The following AHNAK2 variants were observed in gnomAD, a reference collection of about 807,000 sequenced individuals.
AHNAK2 encodes protein AHNAK2.
A neutral mutation model predicts 30.7 loss-of-function variants in AHNAK2; 18 were observed. The observed-to-expected ratio is 0.59, with a 90% CI of 0.41 to 0.87. The LOEUF (loss-of-function observed/expected upper bound fraction) is 0.87. Among genes scored for constraint, AHNAK2 ranks in the 40% least tolerant of loss-of-function variants. The pLI, the probability that AHNAK2 is intolerant of heterozygous loss-of-function variation, is 0.00. For synonymous variants in AHNAK2, 3,590 were observed against 3,073.8 expected, an observed-to-expected ratio of 1.17 and a Z score of -5.56; for missense variants, 8,604 against 7,373.0, an observed-to-expected ratio of 1.17 and a Z score of -6.11.
chr14:104,954,957 C>T lies in AHNAK2; in HGVS notation c.651G>A (p.Glu217=). Residue 217 remains glutamate (E), a splice_region_variant and synonymous_variant, in exon 6 of 7, where the codon GAG becomes GAA. Coordinates refer to ENST00000333244, the MANE Select transcript of AHNAK2 (RefSeq NM_138420.4). The surrounding 1 kb of genome is among the most constrained non-coding windows in gnomAD (Gnocchi z 4.3). ...AQHGPQGKEK[E]DTDVADGCRE... ...TGCCCCCCGGGCATAGTGGTCTCAC[C>T]TCCTTCTCCTTGCCCTGTGGGCCGT... 1 of 1,610,928 alleles carries T rather than the reference C, an allele frequency of 6.2e-7. No homozygotes were observed.
In AHNAK2 at chr14:104,946,596, C is replaced by T. The variant is rs1898284537; in HGVS notation, c.8855G>A (p.Arg2952Lys). The change falls in exon 7 of 7, where the codon AGA becomes AAA. Residue 2952 changes from arginine to lysine, a missense_variant. By Grantham distance (26) the Arg-to-Lys change is conservative. Coordinates refer to ENST00000333244, the MANE Select transcript of AHNAK2 (RefSeq NM_138420.4). ...PSVEVDVEAP[R>K]AKLDGARLEG... ...CAGCCGTGCACCATCCAGCTTTGCT[C>T]TCGGGGCCTCGACGTCCACCTCCAC... is the stretch of plus-strand genomic sequence containing the variant. 1.9e-6 allele frequency: 3 copies of T among 1,612,988 alleles called. No individual in the cohort carries two copies. Among genetic ancestry groups the T allele is most frequent in the Non-Finnish European group, 2.5e-6 (3 of 1,179,720 alleles).
At chr14:104,961,631 A>G (rs1452629199) in intron 1 of AHNAK2, among the ~76,000 whole-genome samples, 1 of 152,202 alleles carries the variant, frequency 6.6e-6, no homozygotes, top group Non-Finnish European at 1.5e-5. Context: ...TAATGCAACC[A>G]TTAAAAAAAT....
chr14:104,973,203 C>G (rs937117474), intron 1 of AHNAK2, among the ~76,000 whole-genome samples: 1 of 152,222 alleles, frequency 6.6e-6, no homozygotes, highest in Non-Finnish European at 1.5e-5. Context: ...CTAGGCCATC[C>G]GGCATGTCCC....
chr14:104,948,603 C>G lies in AHNAK2; in HGVS notation c.6848G>C (p.Ser2283Thr). Residue 2283 changes from serine (S) to threonine (T), a missense_variant, in exon 7 of 7, where the codon AGC becomes ACC. Coordinates refer to ENST00000333244, the MANE Select transcript of AHNAK2 (RefSeq NM_138420.4). ...TAPDVEVSLP[S>T]VEVDVKAPGA... is the part of the protein sequence containing the mutation. Reference sequence around the variant, plus strand: ...TGGGGCCTTGACGTCCACCTCCACGCTGGGCAGAGACACCTCCACATCAGG... The same window carrying G: ...TGGGGCCTTGACGTCCACCTCCACGGTGGGCAGAGACACCTCCACATCAGG... The G allele has an allele frequency of 6.2e-7, 1 of 1,612,764 alleles. No individual in the cohort carries two copies. Among genetic ancestry groups the G allele is most frequent in the Non-Finnish European group, 8.5e-7 (1 of 1,179,810 alleles).
chr14:104,949,771 C>T lies in AHNAK2; in HGVS notation c.5680G>A (p.Gly1894Ser). 1 of 1,587,470 alleles carries T rather than the reference C, an allele frequency of 6.3e-7. No homozygotes were observed. Among genetic ancestry groups the T allele is most frequent in the Non-Finnish European group, 8.6e-7 (1 of 1,163,130 alleles). The change falls in exon 7 of 7, where the codon GGC becomes AGC. Residue 1894 changes from glycine (G) to serine (S), a missense_variant. Transcript: ENST00000333244. ...AGGCCGGCTCCCTCGGGCACCTGGC[C>T]CTCCGGGAGCTTCATGTCCACTTGG... ...AGQVDMKLPE[G>S]QVPEGAGLKG...
Position 104,942,622 on chromosome 14 carries a change from T to G in AHNAK2, c.12829A>C (p.Ser4277Arg). Residue 4277 changes from serine (S) to arginine (R), a missense_variant, in exon 7 of 7, where the codon AGT becomes CGT. Coordinates refer to ENST00000333244, the MANE Select transcript of AHNAK2 (RefSeq NM_138420.4). ...GACAGGTCACCCTCCAGCCGCACAC[T>G]GTCCAGCTTGGCTCCCGGGGCCTCG... is the stretch of plus-strand genomic sequence containing the variant. ...DVEAPGAKLD[S>R]VRLEGDLSLA... 6.2e-7 allele frequency: 1 copy of G among 1,612,782 alleles called. No individual in the cohort carries two copies. The highest frequency in any genetic ancestry group is 1.7e-4 in the Middle Eastern group (1 of 6,048).
Position 104,953,794 on chromosome 14 carries a change from C to T in AHNAK2, c.1657G>A (p.Glu553Lys). The T allele has an allele frequency of 6.2e-7, 1 of 1,613,996 alleles. No individual in the cohort carries two copies. The highest frequency in any genetic ancestry group is 2.2e-5 in the East Asian group (1 of 44,876). ...PTTHAEAQGDEGDGEEGLQRT... is the reference protein window; with the variant it reads ...PTTHAEAQGDKGDGEEGLQRT... ...TGTAGTCCTTCCTCTCCATCTCCTT[C>T]ATCCCCCTGTGCTTCTGCATGTGTG... Residue 553 changes from glutamate (E) to lysine (K), a missense_variant, in exon 7 of 7, where the codon GAA becomes AAA. Physicochemically the swap from Glu to Lys is moderately conservative, Grantham distance 56 (BLOSUM62 1). Coordinates refer to ENST00000333244, the MANE Select transcript of AHNAK2 (RefSeq NM_138420.4).
At position 104,952,113 on chromosome 14, in the gene AHNAK2, G is replaced by A. The variant is rs1414451080; in HGVS notation, c.3338C>T (p.Pro1113Leu). 6.2e-7 allele frequency: 1 copy of A among 1,611,958 alleles called. No individual in the cohort carries two copies. Among genetic ancestry groups the A allele is most frequent in the Non-Finnish European group, 8.5e-7 (1 of 1,179,546 alleles). Reference sequence around the variant, plus strand: ...ATCAGGGGCTGTGACTTCCGCCTTGGGGCTTTTCAGGTCCAGCTTGGGGCC... The same window carrying A: ...ATCAGGGGCTGTGACTTCCGCCTTGAGGCTTTTCAGGTCCAGCTTGGGGCC... ...VKGPKLDLKS[P>L]KAEVTAPDVE... Residue 1113 changes from proline (P) to leucine (L), a missense_variant, in exon 7 of 7, where the codon CCC becomes CTC. Transcript: ENST00000333244.
intron 4 of AHNAK2, 91 bp from the exon 5 acceptor site, chr14:104,955,724 AC>A: frequency 1.4e-6 from 2 of 1,479,906 alleles, no homozygotes; most frequent in Non-Finnish European, 9.1e-7. Context: ...GAGGATGGGC[AC>A]CCCACCATCC....
At position 104,943,335 on chromosome 14, in the gene AHNAK2, C is replaced by A. The variant is rs1898083382; in HGVS notation, c.12116G>T (p.Gly4039Val). 9.3e-6 allele frequency: 15 copies of A among 1,612,892 alleles called. No individual in the cohort carries two copies. The African/African-American group carries it at 1.3e-4, about 14-fold the overall frequency. Residue 4039 changes from glycine (G) to valine (V), a missense_variant, in exon 7 of 7, where the codon GGC (glycine) becomes GTC (valine). Physicochemically the swap from Gly to Val is moderately radical, Grantham distance 109. Transcript: ENST00000333244. The stretch of plus-strand genomic sequence containing the variant: ...GAGGCTGGCTCCCTCGGGCACGGGG[C>A]CCTCTGGGAGTTTCACGTCCACTTG... ...AGQVDVKLPE[G>V]PVPEGASLKG...
chr14:104,957,650 G>A lies in AHNAK2; in HGVS notation c.78C>T (p.Pro26=), dbSNP rs772708727. ...PGSVSGRQLQ[P]GEPGAETEDD... ...CTTCCGTTTCTGCACCTGGCTCCCC[G>A]GGCTGCAGCTGACGGCCGGACACTG... The change falls in exon 2 of 7, where the codon CCC becomes CCT. Residue 26 remains proline, a synonymous_variant. Coordinates refer to ENST00000333244, the MANE Select transcript of AHNAK2 (RefSeq NM_138420.4). The A allele has an allele frequency of 8.1e-6, 13 of 1,610,982 alleles. No homozygotes were observed. Among genetic ancestry groups the A allele is most frequent in the South Asian group, 2.2e-5 (2 of 90,582 alleles).
chr14:104,953,116 C>A lies in AHNAK2; in HGVS notation c.2335G>T (p.Asp779Tyr), dbSNP rs1898841906. ...PKVDLKGPKL[D>Y]LKGPKAEVTA... ...ACTTCCGCCTTGGGGCCTTTCAGGT[C>A]CAGCTTGGGGCCCTTGAGGTCCACT... Residue 779 changes from aspartate to tyrosine, a missense_variant, in exon 7 of 7, where the codon GAC becomes TAC. By Grantham distance (160) the Asp-to-Tyr change is radical. Coordinates refer to ENST00000333244, the MANE Select transcript of AHNAK2 (RefSeq NM_138420.4). The A allele has an allele frequency of 6.2e-7, 1 of 1,613,278 alleles. No homozygotes were observed.
intron 1 of AHNAK2, among the ~76,000 whole-genome samples, chr14:104,967,462 C>T (rs565877221): frequency 1.4e-4 from 21 of 152,282 alleles, no homozygotes; most frequent in Non-Finnish European, 2.5e-4. Context: ...GGGAGGGTGT[C>T]GACAGCAAGC....
At position 104,972,014 on chromosome 14, in the gene AHNAK2, G is replaced by A. The variant is rs76182114; in HGVS notation, c.55+6169C>T. On this transcript the variant is annotated intron_variant, in intron 1 of 6. Coordinates refer to ENST00000333244, the MANE Select transcript of AHNAK2 (RefSeq NM_138420.4). ...CAGCTGAGAGGGCTGCCCCCGCCAC[G>A]GGATGCCAGGGTGGCCTGAGGTGGG... Among the ~76,000 whole-genome samples, 236 of 152,352 alleles carry A rather than the reference G, an allele frequency of 1.5e-3. 1 individual carries two copies. Among genetic ancestry groups the A allele is most frequent in the African/African-American group, 5.4e-3 (224 of 41,580 alleles).
intron 1 of AHNAK2, among the ~76,000 whole-genome samples, chr14:104,971,135 G>C (rs1205273480): frequency 6.6e-6 from 1 of 152,072 alleles, no homozygotes; most frequent in Non-Finnish European, 1.5e-5. Context: ...AGCATTTTTT[G>C]AAACAGGGTC....
chr14:104,965,532 A>G (rs2140878602), intron 1 of AHNAK2, among the ~76,000 whole-genome samples: 1 of 152,340 alleles, frequency 6.6e-6, no homozygotes, highest in South Asian at 2.1e-4. Flanking sequence ...AAGAAGAAAC[A>G]GTACCAATCT....
At chr14:104,960,430 G>A (rs1296463644) in intron 1 of AHNAK2, among the ~76,000 whole-genome samples, 1 of 152,198 alleles carries the variant, frequency 6.6e-6, no homozygotes. Context: ...GTAATCTAGA[G>A]ATGATTTAAA....
chr14:104,972,686 T>C (rs533676620), intron 1 of AHNAK2, among the ~76,000 whole-genome samples: 29 of 152,116 alleles, frequency 1.9e-4, no homozygotes, highest in African/African-American at 6.5e-4. Context: ...TGGTGCACCC[T>C]CCCCAACGCG....
At position 104,954,017 on chromosome 14, in the gene AHNAK2, G is replaced by A. The variant is rs768657475; in HGVS notation, c.1434C>T (p.Gly478=). Residue 478 remains glycine (G), a synonymous_variant, in exon 7 of 7, where the codon GGC becomes GGT. Transcript: ENST00000333244. The surrounding 1 kb of genome is among the most constrained non-coding windows in gnomAD (Gnocchi z 4.3). ...RDTTEGGTQI[G]PPEIRVRVHD... is the part of the protein sequence containing the mutation. ...GTACTCGCACCCTAATTTCTGGTGG[G>A]CCAATCTGTGTGCCTCCTTCGGTTG... 3 of 1,613,658 alleles carry A rather than the reference G, an allele frequency of 1.9e-6. No homozygotes were observed. The highest frequency in any genetic ancestry group is 1.1e-5 in the South Asian group (1 of 91,080).
Sources: gnomAD v4.1 joint callset for allele counts (sites outside exome capture counted in the v4.1 genomes callset) on GRCh38, gnomAD v4.1.1 for gene constraint, Gnocchi (gnomAD v3.1) non-coding constraint, MANE v1.5 for transcripts, NCBI Gene and HGNC (gene_info 2026-07-23, HGNC 2026-07-21) for gene names.